Variants in GABRG2 observed in about 807,000 individuals in gnomAD.
The protein encoded by GABRG2 is gamma-aminobutyric acid receptor subunit gamma-2.
A neutral mutation model predicts 56.4 loss-of-function variants in GABRG2; 16 were observed. That is an observed-to-expected ratio of 0.28 (90% CI 0.19 to 0.43). The LOEUF (loss-of-function observed/expected upper bound fraction) is 0.43, where lower values mean the gene tolerates loss of function less well. GABRG2 is among the 20% of genes least tolerant of loss of function. GABRG2 has a pLI of 1.00. For synonymous variants in GABRG2, 208 were observed against 205.5 expected (o/e 1.01, Z -0.10); for missense variants, 327 against 582.7 (o/e 0.56, Z 4.52).
In GABRG2 at chr5:162,101,527, T is replaced by A. The variant is rs534873454; in HGVS notation, c.631+210T>A. The A allele has an allele frequency of 1.0e-4, 59 of 582,522 alleles. No individual in the cohort carries two copies. In the South Asian group the frequency reaches 1.1e-3, roughly 11 times the overall value. The allele number at this position is 582,522 out of a possible 1,614,324, so 36.1% of individuals were successfully genotyped here. ...AAAGAAGGGCTGATTTTATTAAGAA[T>A]TACAATAGGTTTCCTTGAGTTGCAA... On this transcript the variant is annotated intron_variant, in intron 5 of 9. Coordinates refer to ENST00000639213, the MANE Select transcript of GABRG2 (RefSeq NM_198904.4).
At chr5:162,078,394 TA>T (rs869265982) in intron 1 of GABRG2, among the ~76,000 whole-genome samples, 3,423 of 31,206 alleles carry the variant, frequency 0.11, 232 homozygotes, top group Non-Finnish European at 0.12. Flanking sequence ...TATATATATA[TA>T]TATTTTTTTT....
At chr5:162,069,508 C>T (rs1258113363) in intron 1 of GABRG2, among the ~76,000 whole-genome samples, 1 of 152,102 alleles carries the variant, frequency 6.6e-6, no homozygotes, top group Admixed American at 6.6e-5. Context: ...GCCCCCTCTT[C>T]TGTAAGATGG....
chr5:162,130,155 A>G (rs949762888), intron 6 of GABRG2, among the ~76,000 whole-genome samples: 1 of 152,004 alleles, frequency 6.6e-6, no homozygotes, highest in Non-Finnish European at 1.5e-5. Context: ...TCTTAAAAAT[A>G]TCCTTGAATT....
At chr5:162,148,980 C>T (rs1254264315) in intron 7 of GABRG2, 128 bp from the exon 8 acceptor site, 1 of 796,182 alleles carries the variant, frequency 1.3e-6, no homozygotes, top group East Asian at 2.6e-5. Flanking sequence ...ATTAAATCCA[C>T]TTATACCTCC....
chr5:162,102,450 T>C (rs906746500), intron 5 of GABRG2: 3 of 452,050 alleles, frequency 6.6e-6, no homozygotes, highest in African/African-American at 6.0e-5. Context: ...CAATTTAATA[T>C]TACTCATTGC....
In GABRG2 at chr5:162,153,827, A is replaced by G. The variant is rs1453360119; in HGVS notation, c.*459A>G. 1.6e-5 allele frequency: 3 copies of G among 182,274 alleles called. No individual in the cohort carries two copies. In the South Asian group the frequency reaches 3.6e-4, roughly 22 times the overall value. The allele number at this position is 182,274 out of a possible 1,614,324, so 11.3% of individuals were successfully genotyped here. On this transcript the variant is annotated 3_prime_UTR_variant, in exon 10 of 10. Transcript: ENST00000639213. ...AGAAAAATCATAACTCACTTTAAAT[A>G]TGAAAGCCTAGTCCAGAAATCTATT...
Position 162,153,630 on chromosome 5 carries a change from A to G in GABRG2, c.*262A>G. On this transcript the variant is annotated 3_prime_UTR_variant, in exon 10 of 10. Transcript: ENST00000639213. ...AGCAAGAACATTCAAACCAAATAAG[A>G]TATTTTTCAGCTACAGCAAATAAAA... 1 of 554,228 alleles carries G rather than the reference A, an allele frequency of 1.8e-6. No homozygotes were observed. Among genetic ancestry groups the G allele is most frequent in the East Asian group, 3.1e-5 (1 of 32,146 alleles). 34.3% of individuals were successfully genotyped at this position (554,228 alleles called of 1,614,324 possible).
At chr5:162,075,750 A>C (rs1319247613) in intron 1 of GABRG2, among the ~76,000 whole-genome samples, 1 of 152,110 alleles carries the variant, frequency 6.6e-6, no homozygotes, top group East Asian at 1.9e-4. Flanking sequence ...TATGGCTGTC[A>C]GGAAAAAAAA....
At chr5:162,140,822 C>T (rs902271340) in intron 6 of GABRG2, among the ~76,000 whole-genome samples, 3 of 152,096 alleles carry the variant, frequency 2.0e-5, no homozygotes. Flanking sequence ...ATTTTAAAAA[C>T]TAAAATGCTT....
At position 162,154,441 on chromosome 5, in the gene GABRG2, C is replaced by T. The variant is rs1765584342; in HGVS notation, c.*1073C>T. 1 of 152,158 alleles carries T rather than the reference C, an allele frequency of 6.6e-6. No individual in the cohort carries two copies. Among genetic ancestry groups the T allele is most frequent in the Non-Finnish European group, 1.5e-5 (1 of 68,018 alleles). The allele number at this position is 152,158 out of a possible 1,614,324, so 9.4% of individuals were successfully genotyped here. On this transcript the variant is annotated 3_prime_UTR_variant, in exon 10 of 10. Transcript: ENST00000639213. Reference sequence around the variant, plus strand: ...GTTTGAAGTGAATTGCCCTCACATGCTTCTGGCAAATCTCTGTGCTGGCCT... The same window carrying T: ...GTTTGAAGTGAATTGCCCTCACATGTTTCTGGCAAATCTCTGTGCTGGCCT...
intron 7 of GABRG2, among the ~76,000 whole-genome samples, chr5:162,146,633 C>G (rs1764968927): frequency 6.6e-6 from 1 of 151,074 alleles, no homozygotes. Context: ...TTATTGAGTC[C>G]CAGCATGATG....
intron 6 of GABRG2, among the ~76,000 whole-genome samples, chr5:162,115,468 G>A (rs1038370626): frequency 5.3e-5 from 8 of 151,406 alleles, no homozygotes; most frequent in Non-Finnish European, 1.0e-4. Context: ...TCTTAGGTGA[G>A]GGAAGGGGAC....
chr5:162,068,609 G>A (rs1758416543), intron 1 of GABRG2, among the ~76,000 whole-genome samples: 2 of 152,050 alleles, frequency 1.3e-5, no homozygotes, highest in African/African-American at 4.8e-5. Flanking sequence ...CATTCTTAAG[G>A]TCAGTCAGCC....
In GABRG2 at chr5:162,122,888, A is replaced by T. The variant is rs372184560; in HGVS notation, c.769+18862A>T. 4.0e-3 allele frequency among the ~76,000 whole-genome samples: 608 copies of T among 151,836 alleles called. 1 individual carries two copies. Among genetic ancestry groups the T allele is most frequent in the Middle Eastern group, 0.017 (5 of 292 alleles). On this transcript the variant is annotated intron_variant, in intron 6 of 9. Transcript: ENST00000639213. ...AAAAAAAGAAGGAAGGAAAGGAAAG[A>T]AAAGAAAACATTAAAATTACCTTAT... is the stretch of plus-strand genomic sequence containing the variant.
At chr5:162,071,932 G>T (rs1285786222) in intron 1 of GABRG2, among the ~76,000 whole-genome samples, 1 of 151,112 alleles carries the variant, frequency 6.6e-6, no homozygotes, top group Non-Finnish European at 1.5e-5. Flanking sequence ...AAAAAATAAA[G>T]AAAAACAGAA....
In GABRG2 at chr5:162,124,839, G is replaced by A. The variant is rs190358044; in HGVS notation, c.770-17325G>A. ...CTAATAAATAGAAGAATTGAAATAC[G>A]CTTCTGCAAAATGATGCAAGGAATC... On this transcript the variant is annotated intron_variant, in intron 6 of 9. Transcript: ENST00000639213. Among the ~76,000 whole-genome samples, 33 of 151,718 alleles carry A rather than the reference G, an allele frequency of 2.2e-4. 1 individual carries two copies. Among genetic ancestry groups the A allele is most frequent in the East Asian group, 1.6e-3 (8 of 5,148 alleles).
chr5:162,106,231 T>C (rs944312957), intron 6 of GABRG2, among the ~76,000 whole-genome samples: 10 of 152,180 alleles, frequency 6.6e-5, no homozygotes, highest in South Asian at 2.1e-4. Context: ...CAAAACAGTA[T>C]TGAAAAGATA....
chr5:162,079,821 C>T (rs1358749217), intron 1 of GABRG2, among the ~76,000 whole-genome samples: 3 of 151,926 alleles, frequency 2.0e-5, no homozygotes, highest in South Asian at 2.1e-4. Context: ...CTCACTCTGT[C>T]GCCCAGGCTG....
At chr5:162,107,587 T>G (rs1003845590) in intron 6 of GABRG2, among the ~76,000 whole-genome samples, 1 of 152,226 alleles carries the variant, frequency 6.6e-6, no homozygotes, top group Non-Finnish European at 1.5e-5. Context: ...ACTTTATTTG[T>G]ACTACAGCTG....
Sources: allele counts gnomAD v4.1 joint callset (sites outside exome capture counted in the v4.1 genomes callset), GRCh38; gene constraint gnomAD v4.1.1; transcripts MANE v1.5; gene names NCBI Gene and HGNC (gene_info 2026-07-23, HGNC 2026-07-21).